Variants in DUSP29 observed in about 807,000 individuals in gnomAD.
DUSP29 encodes atypical dual-specific protein phosphatase.
Under a neutral mutation model 13.5 loss-of-function variants are expected in DUSP29, and 12 were observed. The ratio of observed to expected loss-of-function variants is 0.89; its 90% CI spans 0.57 to 1.44. The LOEUF (loss-of-function observed/expected upper bound fraction) is 1.44. Ranked by LOEUF, DUSP29 falls within the 40% of genes most tolerant of loss-of-function variation. The probability of loss-of-function intolerance (pLI) is 0.00; values close to 1 mark genes in which losing one functional copy is unlikely to be tolerated. For missense variants in DUSP29, 308 were observed against 301.1 expected (o/e 1.02, Z -0.17); for synonymous variants, 134 against 128.7 (o/e 1.04, Z -0.28).
chr10:75,040,266 G>A lies in DUSP29; in HGVS notation c.422-2189C>T, dbSNP rs192109941. On this transcript the variant is annotated intron_variant, in intron 3 of 3. Transcript: ENST00000338487. ...AGAATCAACCTCCTGCTTGAAAGCAGGCTTCATTTATTTATTCATACTTCC... is the reference window on the plus strand; with the variant it reads ...AGAATCAACCTCCTGCTTGAAAGCAAGCTTCATTTATTTATTCATACTTCC... Among the ~76,000 whole-genome samples, 162 of 152,280 alleles carry A rather than the reference G, an allele frequency of 1.1e-3. 2 individuals carry two copies. Among genetic ancestry groups the A allele is most frequent in the African/African-American group, 3.6e-3 (148 of 41,564 alleles).
intron 2 of DUSP29, among the ~76,000 whole-genome samples, chr10:75,051,656 G>T (rs1353375365): frequency 1.3e-5 from 2 of 152,176 alleles, no homozygotes; most frequent in Admixed American, 1.3e-4. Context: ...CACTTCCAGA[G>T]CCTTGGTACT....
At chr10:75,059,162 T>G (rs1589865814) in intron 1 of DUSP29, among the ~76,000 whole-genome samples, 1 of 152,190 alleles carries the variant, frequency 6.6e-6, no homozygotes, top group South Asian at 2.1e-4. Context: ...ACTCTCACAC[T>G]GGGAGCCTGG....
At chr10:75,044,245 G>C (rs975373035) in intron 2 of DUSP29, among the ~76,000 whole-genome samples, 1 of 152,220 alleles carries the variant, frequency 6.6e-6, no homozygotes, top group Non-Finnish European at 1.5e-5. Context: ...GGCTGGGGTA[G>C]GCAAGCTGAG....
intron 3 of DUSP29, among the ~76,000 whole-genome samples, chr10:75,039,973 A>G (rs1469984564): frequency 6.6e-6 from 1 of 152,096 alleles, no homozygotes; most frequent in African/African-American, 2.4e-5. Context: ...TGAGGCCAGG[A>G]ATTGGAGACC....
At position 75,044,026 on chromosome 10, in the gene DUSP29, A is replaced by C. The variant is rs1215493310; in HGVS notation, c.201-9T>G. The C allele has an allele frequency of 6.2e-7, 1 of 1,602,550 alleles. No homozygotes were observed. Among genetic ancestry groups the C allele is most frequent in the African/African-American group, 1.3e-5 (1 of 74,652 alleles). On this transcript the variant is annotated splice_polypyrimidine_tract_variant and intron_variant, in intron 2 of 3. Coordinates refer to ENST00000338487, the MANE Select transcript of DUSP29 (RefSeq NM_001003892.3). Reference sequence around the variant, plus strand: ...GGTCCAGCGCCGTCGCCCTGGGCGCAGGGGAGAGAAATCTGTGGGCGCGCG... The same window carrying C: ...GGTCCAGCGCCGTCGCCCTGGGCGCCGGGGAGAGAAATCTGTGGGCGCGCG...
At chr10:75,049,629 T>C (rs1223914392) in intron 2 of DUSP29, among the ~76,000 whole-genome samples, 4 of 152,234 alleles carry the variant, frequency 2.6e-5, no homozygotes, top group Non-Finnish European at 5.9e-5. Flanking sequence ...ACCTTGACTG[T>C]TTTTTGCTGC....
At chr10:75,064,833 A>G (rs1847162896) in intron 1 of DUSP29, among the ~76,000 whole-genome samples, 1 of 152,162 alleles carries the variant, frequency 6.6e-6, no homozygotes, top group African/African-American at 2.4e-5. Context: ...TAACTAGGAA[A>G]AAAATACATC....
chr10:75,065,879 TA>T lies in DUSP29; in HGVS notation c.-34-7332del, dbSNP rs746890118. Among the ~76,000 whole-genome samples the T allele has an allele frequency of 5.5e-3, 720 of 130,652 alleles. 5 individuals are homozygous for T. The highest frequency in any genetic ancestry group is 0.022 in the African/African-American group (658 of 29,584). 85.7% of individuals were successfully genotyped at this position (130,652 alleles called of 152,430 possible). ...CTAATTTACTATTATTATTATCATT[TA>T]TTTTATTTTATTTTATTTTATTATT... On this transcript the variant is annotated intron_variant, in intron 1 of 3. Transcript: ENST00000338487.
chr10:75,058,225 TC>T (rs1231974655), intron 2 of DUSP29, 89 bp downstream of exon 2: 10 of 1,463,814 alleles, frequency 6.8e-6, no homozygotes, highest in African/African-American at 2.8e-5. Context: ...GACTACAAAT[TC>T]CAAAGCCCAT....
chr10:75,061,022 T>TGGTTATAA (rs1234376706), intron 1 of DUSP29, among the ~76,000 whole-genome samples: 28 of 152,236 alleles, frequency 1.8e-4, no homozygotes, highest in South Asian at 1.7e-3. Flanking sequence ...GGCTGGATGA[T>TGGTTATAA]GGTTATAAGG....
intron 1 of DUSP29, among the ~76,000 whole-genome samples, chr10:75,070,070 A>AAAGGAAGGAAGGAAGG (rs71024533): frequency 2.8e-5 from 3 of 105,398 alleles, no homozygotes; most frequent in East Asian, 2.7e-4. Flanking sequence ...AAGAAAGAAG[A>AAAGGAAGGAAGGAAGG]AAGGAAGGAA....
At chr10:75,066,457 A>G (rs975634240) in intron 1 of DUSP29, among the ~76,000 whole-genome samples, 11 of 152,062 alleles carry the variant, frequency 7.2e-5, no homozygotes, top group African/African-American at 2.7e-4. Context: ...CAGATACAGA[A>G]CCATCCCCTT....
chr10:75,041,469 C>T (rs1167573325), intron 3 of DUSP29, among the ~76,000 whole-genome samples: 1 of 152,210 alleles, frequency 6.6e-6, no homozygotes, highest in African/African-American at 2.4e-5. Context: ...GGCTGGGTGG[C>T]AGGTGCCCCT....
At chr10:75,054,253 A>G (rs537980582) in intron 2 of DUSP29, among the ~76,000 whole-genome samples, 87 of 152,352 alleles carry the variant, frequency 5.7e-4, no homozygotes, top group African/African-American at 2.0e-3. Flanking sequence ...CCTCAGTTGT[A>G]CCATTTCTAG....
In DUSP29 at chr10:75,037,805, C is replaced by G. The variant is rs1167909221; in HGVS notation, c.*31G>C. 9 of 1,583,312 alleles carry G rather than the reference C, an allele frequency of 5.7e-6. No individual in the cohort carries two copies. The highest frequency in any genetic ancestry group is 1.7e-5 in the Admixed American group (1 of 59,272). On this transcript the variant is annotated 3_prime_UTR_variant, in exon 4 of 4. Coordinates refer to ENST00000338487, the MANE Select transcript of DUSP29 (RefSeq NM_001003892.3). Reference sequence around the variant, plus strand: ...ATGTTCTGCCTCTCCCCTCTGTCCCCAAGTGCCTCTGCTGGCCCTGTGAGT... The same window carrying G: ...ATGTTCTGCCTCTCCCCTCTGTCCCGAAGTGCCTCTGCTGGCCCTGTGAGT...
intron 1 of DUSP29, among the ~76,000 whole-genome samples, chr10:75,061,268 T>C (rs1589866817): frequency 6.6e-6 from 1 of 152,170 alleles, no homozygotes; most frequent in Admixed American, 6.5e-5. Context: ...CTTTGGGGAA[T>C]TGGATTCTCC....
intron 1 of DUSP29, among the ~76,000 whole-genome samples, chr10:75,072,608 A>G (rs535179534): frequency 6.6e-6 from 1 of 152,106 alleles, no homozygotes; most frequent in Non-Finnish European, 1.5e-5. Context: ...CATGATGAGA[A>G]CAAGGAGGGA....
rs564842022 is a variant in DUSP29 at position 75,045,474 on chromosome 10, G to A, written c.201-1457C>T. Among the ~76,000 whole-genome samples the A allele has an allele frequency of 4.6e-5, 7 of 152,338 alleles. No homozygotes were observed. In the South Asian group the frequency reaches 1.4e-3, roughly 32 times the overall value. ...TAGATAGCAGTGAGAGCTATCCGAA[G>A]GACCTAAAACTTCATGACATGATAC... is the stretch of plus-strand genomic sequence containing the variant. On this transcript the variant is annotated intron_variant, in intron 2 of 3. Transcript: ENST00000338487.
At chr10:75,062,664 T>G (rs1231877391) in intron 1 of DUSP29, among the ~76,000 whole-genome samples, 1 of 152,206 alleles carries the variant, frequency 6.6e-6, no homozygotes, top group Non-Finnish European at 1.5e-5. Context: ...GCGGCCTGTG[T>G]GCACCCTCTC....
Sources: gnomAD v4.1 joint callset for allele counts (sites outside exome capture counted in the v4.1 genomes callset) on GRCh38, gnomAD v4.1.1 for gene constraint, MANE v1.5 for transcripts, NCBI Gene and HGNC (gene_info 2026-07-23, HGNC 2026-07-21) for gene names.